Variants in LRBA observed in about 807,000 individuals in gnomAD.
LRBA encodes the protein LPS responsive beige-like anchor protein, also known as lipopolysaccharide-responsive and beige-like anchor protein.
Under a neutral mutation model 330.0 loss-of-function variants are expected in LRBA, and 176 were observed. The observed-to-expected ratio is 0.53, with a 90% CI of 0.47 to 0.60. LRBA has a LOEUF of 0.60. Ranked by LOEUF, LRBA falls within the 20% of genes least tolerant of loss-of-function variation. LRBA has a pLI of 0.00. For synonymous variants in LRBA, 1,230 were observed against 1,193.0 expected, an observed-to-expected ratio of 1.03 and a Z score of -0.64; for missense variants, 3,259 against 3,444.8, an observed-to-expected ratio of 0.95 and a Z score of 1.35.
chr4:150,744,125 A>C (rs1305453524), intron 35 of LRBA, among the ~76,000 whole-genome samples: 1 of 152,176 alleles, frequency 6.6e-6, no homozygotes, highest in African/African-American at 2.4e-5. Context: ...AACCATCCCT[A>C]GTGTAATTTT....
intron 35 of LRBA, among the ~76,000 whole-genome samples, chr4:150,756,138 C>T (rs1734266958): frequency 6.6e-6 from 1 of 151,536 alleles, no homozygotes; most frequent in Non-Finnish European, 1.5e-5. Context: ...ACCACCTAAA[C>T]AAATAAAATA....
intron 44 of LRBA, among the ~76,000 whole-genome samples, chr4:150,446,521 A>C (rs1752636424): frequency 6.6e-6 from 1 of 152,250 alleles, no homozygotes; most frequent in Non-Finnish European, 1.5e-5. Context: ...ACTGACAGGC[A>C]GTTACATTGC....
chr4:150,966,468 C>G (rs1315072960), intron 2 of LRBA, among the ~76,000 whole-genome samples: 1 of 150,234 alleles, frequency 6.7e-6, no homozygotes, highest in Non-Finnish European at 1.5e-5. Flanking sequence ...GCCACCACAC[C>G]CAGCTAATTT....
intron 47 of LRBA, among the ~76,000 whole-genome samples, chr4:150,413,439 C>T (rs1378308515): frequency 6.6e-6 from 1 of 151,998 alleles, no homozygotes; most frequent in African/African-American, 2.4e-5. Context: ...AAATGGAATA[C>T]TATACAGCAA....
intron 2 of LRBA, among the ~76,000 whole-genome samples, chr4:150,996,832 A>C (rs1742704513): frequency 6.6e-6 from 1 of 152,178 alleles, no homozygotes; most frequent in Admixed American, 6.5e-5. Context: ...TAACTATGAC[A>C]CTTGAGCATC....
chr4:150,704,827 A>G (rs1205837337), intron 36 of LRBA, among the ~76,000 whole-genome samples: 1 of 152,222 alleles, frequency 6.6e-6, no homozygotes, highest in African/African-American at 2.4e-5. Context: ...TCTATTTAAC[A>G]ATGATAATTG....
intron 47 of LRBA, among the ~76,000 whole-genome samples, chr4:150,367,957 T>A (rs560988727): frequency 6.6e-5 from 10 of 152,200 alleles, no homozygotes; most frequent in Non-Finnish European, 1.3e-4. Flanking sequence ...TCTGTAACTT[T>A]AGAAATGGTA....
chr4:150,818,177 C>A (rs1744874178), intron 30 of LRBA, among the ~76,000 whole-genome samples: 1 of 152,090 alleles, frequency 6.6e-6, no homozygotes, highest in Non-Finnish European at 1.5e-5. Context: ...CCTATACATG[C>A]ATTCAAAAGT....
intron 2 of LRBA, among the ~76,000 whole-genome samples, chr4:150,979,734 C>G (rs971203703): frequency 6.6e-6 from 1 of 152,056 alleles, no homozygotes; most frequent in Non-Finnish European, 1.5e-5. Flanking sequence ...TTCATGGTAA[C>G]CTCAAATCAG....
intron 36 of LRBA, among the ~76,000 whole-genome samples, chr4:150,690,233 G>A (rs193052816): frequency 6.6e-6 from 1 of 152,244 alleles, no homozygotes; most frequent in East Asian, 1.9e-4. Context: ...GCCGGGCGCT[G>A]TGGCTCATGC....
intron 40 of LRBA, among the ~76,000 whole-genome samples, chr4:150,545,310 C>T (rs189265358): frequency 1.3e-4 from 20 of 152,198 alleles, no homozygotes; most frequent in Admixed American, 7.2e-4. Context: ...AAGAAGATTA[C>T]AAATCAATTG....
intron 9 of LRBA, among the ~76,000 whole-genome samples, chr4:150,913,805 A>C (rs1178767172): frequency 6.6e-6 from 1 of 152,160 alleles, no homozygotes; most frequent in Non-Finnish European, 1.5e-5. Flanking sequence ...TTTGACTTAA[A>C]GTCTATTTTG....
At chr4:150,490,001 A>C (rs1383233472) in intron 41 of LRBA, among the ~76,000 whole-genome samples, 1 of 151,418 alleles carries the variant, frequency 6.6e-6, no homozygotes, top group Non-Finnish European at 1.5e-5. Context: ...ATATTCTAAG[A>C]TTGAAGCTCC....
intron 9 of LRBA, 42 bp downstream of exon 9, chr4:150,914,153 C>T: frequency 6.6e-7 from 1 of 1,514,312 alleles, no homozygotes; most frequent in Non-Finnish European, 8.9e-7. Context: ...TCAAATCAAG[C>T]TGAACTAACA....
chr4:150,836,040 C>G (rs1748007019), intron 28 of LRBA, among the ~76,000 whole-genome samples: 1 of 152,164 alleles, frequency 6.6e-6, no homozygotes, highest in East Asian at 1.9e-4. Context: ...ATGGCCTTTT[C>G]TGCATCTATT....
intron 34 of LRBA, 44 bp downstream of exon 34, chr4:150,798,037 T>C (rs749350634): frequency 1.5e-5 from 19 of 1,283,604 alleles, no homozygotes; most frequent in Non-Finnish European, 2.1e-5. Flanking sequence ...AACAAATTCA[T>C]GTGATAATCT....
At chr4:150,892,993 A>G in intron 17 of LRBA, 59 bp downstream of exon 17, 1 of 1,037,044 alleles carries the variant, frequency 9.6e-7, no homozygotes, top group Non-Finnish European at 1.4e-6. Flanking sequence ...TTCATATTTA[A>G]GAAGCTTTCA....
intron 2 of LRBA, among the ~76,000 whole-genome samples, chr4:150,963,673 G>A (rs539113915): frequency 3.4e-5 from 5 of 147,982 alleles, no homozygotes; most frequent in Non-Finnish European, 7.4e-5. Context: ...GAGCCCCTCT[G>A]CCTGGCCGCC....
At chr4:151,008,320 A>G (rs1744361192) in intron 2 of LRBA, among the ~76,000 whole-genome samples, 2 of 152,036 alleles carry the variant, frequency 1.3e-5, no homozygotes, top group African/African-American at 4.8e-5. Flanking sequence ...ACCTCAGGTG[A>G]TCCACCTGCC....
Sources: allele counts gnomAD v4.1 joint callset (sites outside exome capture counted in the v4.1 genomes callset), GRCh38; gene constraint gnomAD v4.1.1; transcripts MANE v1.5; gene names NCBI Gene and HGNC (gene_info 2026-07-23, HGNC 2026-07-21).